DOT1L: variants seen among roughly 807,000 people sequenced by gnomAD.
DOT1L encodes DOT1 like histone lysine methyltransferase, also known as histone-lysine N-methyltransferase, H3 lysine-79 specific.
Under a neutral mutation model 153.3 loss-of-function variants are expected in DOT1L, and 33 were observed. The observed-to-expected ratio is 0.22, with a 90% CI of 0.16 to 0.29. The LOEUF is 0.29. Ranked by LOEUF, DOT1L falls within the 10% of genes least tolerant of loss-of-function variation. The pLI is 1.00. For synonymous variants in DOT1L, 1,135 were observed against 965.1 expected (o/e 1.18, Z -3.26); for missense variants, 1,847 against 2,119.9 (o/e 0.87, Z 2.53).
intron 2 of DOT1L, among the ~76,000 whole-genome samples, chr19:2,184,080 T>C: frequency 6.6e-6 from 1 of 152,174 alleles, no homozygotes. Flanking sequence ...CGGGACTGAG[T>C]GAAGACCGTG....
At chr19:2,213,495 T>C (rs146382923) in intron 16 of DOT1L, 44 bp from the exon 17 acceptor site, 2 of 1,595,586 alleles carry the variant, frequency 1.3e-6, no homozygotes, top group East Asian at 2.2e-5. Context: ...GGGCCCTCAG[T>C]CACCTGCCCT....
rs758629663 is a variant in DOT1L, at chr19:2,164,181, G to C, written c.-4G>C. 1 of 1,197,292 alleles carries C rather than the reference G, an allele frequency of 8.4e-7. No homozygotes were observed. Among genetic ancestry groups the C allele is most frequent in the East Asian group, 3.6e-5 (1 of 27,498 alleles). 74.2% of individuals were successfully genotyped at this position (1,197,292 alleles called of 1,614,324 possible). ...AGCATGGTGCGGCGGCCGCGCGCGCGGACATGGGGGAGAAGCTGGAGCTGA... is the reference window on the plus strand; with the variant it reads ...AGCATGGTGCGGCGGCCGCGCGCGCCGACATGGGGGAGAAGCTGGAGCTGA... On this transcript the variant is annotated 5_prime_UTR_variant, in exon 1 of 28. Transcript: ENST00000398665.
intron 3 of DOT1L, among the ~76,000 whole-genome samples, chr19:2,188,494 C>CCG (rs1491479536): frequency 1.7e-4 from 20 of 117,630 alleles, no homozygotes; most frequent in African/African-American, 7.8e-4. Flanking sequence ...CCCCCCCCCC[C>CCG]ACCCGCACAG....
At chr19:2,228,313 A>G (rs1459773065) in intron 27 of DOT1L, 6 of 1,345,860 alleles carry the variant, frequency 4.5e-6, no homozygotes, top group Non-Finnish European at 5.9e-6. Flanking sequence ...CCGCCTCCCT[A>G]TGCCGCGCAC....
intron 22 of DOT1L, 140 bp downstream of exon 22, chr19:2,218,058 A>G: frequency 7.1e-6 from 9 of 1,276,428 alleles, no homozygotes; most frequent in Admixed American, 2.4e-5. Context: ...TGGGCTGTCC[A>G]AAGCCGGGGC....
At position 2,207,869 on chromosome 19, in the gene DOT1L, A is replaced by ATGGT. The variant is rs1407560088; in HGVS notation, c.963+189_963+190insTGGT. On this transcript the variant is annotated intron_variant, in intron 11 of 27. Transcript: ENST00000398665. The surrounding 1 kb of genome is among the most constrained non-coding windows in gnomAD (Gnocchi z 4.5). Reference sequence around the variant, plus strand: ...TACTGCTTGCACCGCAGGACCCACCAGGGTCCTCCCAGGCACTGGGCGTGT... The same window carrying ATGGT: ...TACTGCTTGCACCGCAGGACCCACCATGGTGGGTCCTCCCAGGCACTGGGCGTGT... Among the ~76,000 whole-genome samples the ATGGT allele has an allele frequency of 2.6e-5, 4 of 151,784 alleles. No homozygotes were observed. The highest frequency in any genetic ancestry group is 2.6e-4 in the Admixed American group (4 of 15,262).
chr19:2,187,700 A>G lies in DOT1L; in HGVS notation c.200+1771A>G, dbSNP rs2022581089. 4.6e-5 allele frequency among the ~76,000 whole-genome samples: 7 copies of G among 152,250 alleles called. No homozygotes were observed. In the South Asian group the frequency reaches 1.4e-3, roughly 32 times the overall value. ...CACTTTGGGAGGCCGAGGCGGATGG[A>G]TCACGAGGTCAGGAGATCGAGACCA... On this transcript the variant is annotated intron_variant, in intron 3 of 27. Coordinates refer to ENST00000398665, the MANE Select transcript of DOT1L (RefSeq NM_032482.3).
Position 2,220,217 on chromosome 19 carries a change from C to T in DOT1L, c.2801C>T (p.Pro934Leu). ...GGGAGCAGAAGCCTTGCCCTGGCCC[C>T]CGCAGGTAACGCCCCTCCTGTGCCC... Reference protein sequence around the residue: ...GAGSRSLALAPAGFSYAGSVA... With the variant: ...GAGSRSLALALAGFSYAGSVA... The change falls in exon 23 of 28, where the codon CCC becomes CTC. Residue 934 changes from proline (P) to leucine (L), a missense_variant. Around this residue, in one of 8 missense-constraint regions of DOT1L, gnomAD observed 68 missense variants for 80.7 expected, o/e 0.84. Transcript: ENST00000398665. This position sits in a 1 kb window ranked among gnomAD's most constrained non-coding sequence, Gnocchi z 4.5. The T allele has an allele frequency of 6.2e-7, 1 of 1,612,732 alleles. No individual in the cohort carries two copies. The highest frequency in any genetic ancestry group is 8.5e-7 in the Non-Finnish European group (1 of 1,179,668).
intron 7 of DOT1L, 131 bp from the exon 8 acceptor site, chr19:2,199,753 G>T: frequency 2.4e-6 from 3 of 1,262,094 alleles, no homozygotes; most frequent in East Asian, 2.4e-5. Context: ...AGCCGGTGGG[G>T]CCTGGGCCTC....
At chr19:2,180,485 A>C (rs1039622548) in intron 1 of DOT1L, among the ~76,000 whole-genome samples, 3 of 152,158 alleles carry the variant, frequency 2.0e-5, no homozygotes, top group Non-Finnish European at 4.4e-5. Context: ...CGCTGCCTGT[A>C]GTAGGACACA....
At position 2,220,455 on chromosome 19, in the gene DOT1L, C is replaced by G. The variant is rs1210412998; in HGVS notation, c.2806+233C>G. ...TCATACCTGGGTCTCCCGACACTGA[C>G]ACCTCCTGCTTGGGTGTATTAATTC... On this transcript the variant is annotated intron_variant, in intron 23 of 27. Transcript: ENST00000398665. This position sits in a 1 kb window ranked among gnomAD's most constrained non-coding sequence, Gnocchi z 4.5. 1 of 644,166 alleles carries G rather than the reference C, an allele frequency of 1.6e-6. No individual in the cohort carries two copies. Among genetic ancestry groups the G allele is most frequent in the Admixed American group, 2.1e-5 (1 of 47,946 alleles). 39.9% of individuals were successfully genotyped at this position (644,166 alleles called of 1,614,324 possible).
chr19:2,227,289 T>A, intron 27 of DOT1L, 162 bp downstream of exon 27: 1 of 919,572 alleles, frequency 1.1e-6, no homozygotes, highest in Non-Finnish European at 1.8e-6. Flanking sequence ...ACTCCAGTCC[T>A]GTGGGGAGAG....
At chr19:2,201,556 G>C (rs1234188287) in intron 8 of DOT1L, among the ~76,000 whole-genome samples, 1 of 152,220 alleles carries the variant, frequency 6.6e-6, no homozygotes, top group Non-Finnish European at 1.5e-5. Context: ...TCGCTCTCCT[G>C]TGTGAACTTC....
chr19:2,197,023 C>T lies in DOT1L; in HGVS notation c.651+2446C>T, dbSNP rs111850433. ...TGCTGAACGCGTCCGCCTTGGTCGGCGTGCGATTCTGTTTATCCAAGGTGG... is the reference window on the plus strand; with the variant it reads ...TGCTGAACGCGTCCGCCTTGGTCGGTGTGCGATTCTGTTTATCCAAGGTGG... On this transcript the variant is annotated intron_variant, in intron 7 of 27. Coordinates refer to ENST00000398665, the MANE Select transcript of DOT1L (RefSeq NM_032482.3). The surrounding 1 kb of genome is among the most constrained non-coding windows in gnomAD (Gnocchi z 4.1). Among the ~76,000 whole-genome samples the T allele has an allele frequency of 4.6e-5, 7 of 152,330 alleles. No homozygotes were observed. The highest frequency in any genetic ancestry group is 1.2e-4 in the African/African-American group (5 of 41,564).
At chr19:2,205,442 G>T (rs1468726421) in intron 9 of DOT1L, among the ~76,000 whole-genome samples, 1 of 152,132 alleles carries the variant, frequency 6.6e-6, no homozygotes, top group Admixed American at 6.5e-5. Context: ...CCTTGCAGGT[G>T]CCTGGCTGAC....
chr19:2,222,706 C>G lies in DOT1L; in HGVS notation c.3390+147C>G. 6 of 764,536 alleles carry G rather than the reference C, an allele frequency of 7.8e-6. No homozygotes were observed. The South Asian group carries it at 1.2e-4, about 16-fold the overall frequency. 47.4% of individuals were successfully genotyped at this position (764,536 alleles called of 1,614,324 possible). On this transcript the variant is annotated intron_variant, in intron 24 of 27. Coordinates refer to ENST00000398665, the MANE Select transcript of DOT1L (RefSeq NM_032482.3). This position sits in a 1 kb window ranked among gnomAD's most constrained non-coding sequence, Gnocchi z 6.5. ...ACAAGATCAGGACATCAAGACCATC[C>G]TGGCTAACACGGTGAAACCCCGTCT...
intron 1 of DOT1L, among the ~76,000 whole-genome samples, chr19:2,172,616 T>A (rs2021704303): frequency 6.6e-6 from 1 of 151,414 alleles, no homozygotes; most frequent in Non-Finnish European, 1.5e-5. Flanking sequence ...GCCATTCTCC[T>A]GCCTCAGCCT....
intron 19 of DOT1L, chr19:2,215,462 C>G (rs1224065826): frequency 1.3e-5 from 2 of 152,292 alleles, no homozygotes; most frequent in Non-Finnish European, 2.9e-5. Flanking sequence ...TCCCAGAGCC[C>G]CATCCCGTCG....
rs749203672 is a variant in DOT1L at position 2,211,127 on chromosome 19, C to A, written c.1380C>A (p.Phe460Leu). Residue 460 changes from phenylalanine to leucine, a missense_variant, in exon 15 of 28, where the codon TTC becomes TTA. By Grantham distance (22) the Phe-to-Leu change is conservative. Coordinates refer to ENST00000398665, the MANE Select transcript of DOT1L (RefSeq NM_032482.3). ...CCTACAGATCCCCTCACAGCCCGTTCTACCAGCTACCTCCGAGCGTGCAGC... is the reference window on the plus strand; with the variant it reads ...CCTACAGATCCCCTCACAGCCCGTTATACCAGCTACCTCCGAGCGTGCAGC... ...QDAYRSPHSPFYQLPPSVQRH... is the reference protein window; with the variant it reads ...QDAYRSPHSPLYQLPPSVQRH... The A allele has an allele frequency of 6.2e-7, 1 of 1,613,158 alleles. No homozygotes were observed. Among genetic ancestry groups the A allele is most frequent in the Non-Finnish European group, 8.5e-7 (1 of 1,179,818 alleles).
Sources: allele counts gnomAD v4.1 joint callset (sites outside exome capture counted in the v4.1 genomes callset), GRCh38; gene constraint gnomAD v4.1.1; regional missense constraint gnomAD v4.1.1; non-coding constraint Gnocchi (gnomAD v3.1); transcripts MANE v1.5; gene names NCBI Gene and HGNC (gene_info 2026-07-23, HGNC 2026-07-21).